FGD5: variants seen among roughly 807,000 people sequenced by gnomAD.
FGD5 encodes the protein FYVE, RhoGEF and PH domain-containing protein 5.
Under a neutral mutation model 133.4 loss-of-function variants are expected in FGD5, and 28 were observed. That is an observed-to-expected ratio of 0.21 (90% CI 0.16 to 0.29). FGD5 has a LOEUF of 0.29. Among genes scored for constraint, FGD5 ranks in the 10% least tolerant of loss-of-function variants. The probability of loss-of-function intolerance (pLI) is 1.00; values close to 1 mark genes in which losing one functional copy is unlikely to be tolerated. For synonymous variants in FGD5, 810 were observed against 776.5 expected (o/e 1.04, Z -0.72); for missense variants, 1,858 against 1,895.2 (o/e 0.98, Z 0.36).
At chr3:14,843,466 G>A (rs1168706962) in intron 1 of FGD5, among the ~76,000 whole-genome samples, 1 of 152,140 alleles carries the variant, frequency 6.6e-6, no homozygotes, top group African/African-American at 2.4e-5. Context: ...CTCAGGGACG[G>A]CCACTGAGTC....
intron 4 of FGD5, among the ~76,000 whole-genome samples, chr3:14,892,004 C>T (rs1200597027): frequency 2.0e-5 from 3 of 151,420 alleles, no homozygotes; most frequent in African/African-American, 7.3e-5. Flanking sequence ...TTTCTCTCCC[C>T]GTTTCCCTCT....
chr3:14,871,230 G>T (rs1354121738), intron 2 of FGD5, among the ~76,000 whole-genome samples: 1 of 152,228 alleles, frequency 6.6e-6, no homozygotes, highest in South Asian at 2.1e-4. Context: ...TTCCCTGGCA[G>T]TCGTTCCAGG....
chr3:14,891,892 T>C (rs1403334245), intron 4 of FGD5, among the ~76,000 whole-genome samples: 2 of 151,306 alleles, frequency 1.3e-5, no homozygotes, highest in African/African-American at 4.9e-5. Context: ...CTTCCCTCCT[T>C]CTCTTCCTCT....
chr3:14,894,323 A>G (rs747754715), intron 4 of FGD5, among the ~76,000 whole-genome samples: 2 of 152,200 alleles, frequency 1.3e-5, no homozygotes, highest in Middle Eastern at 3.4e-3. Context: ...TCCATTGTGT[A>G]TATATTGCCA....
rs897363470 is a variant in FGD5 at position 14,880,846 on chromosome 3, A to G, written c.2748+74A>G. On this transcript the variant is annotated intron_variant, in intron 4 of 19. Coordinates refer to ENST00000285046, the MANE Select transcript of FGD5 (RefSeq NM_152536.4). Reference sequence around the variant, plus strand: ...CTGTGATATAAGAGGCAGGAAAGCAATGTGGAGACAGAGGTGATTTCCATT... The same window carrying G: ...CTGTGATATAAGAGGCAGGAAAGCAGTGTGGAGACAGAGGTGATTTCCATT... 128 of 1,555,172 alleles carry G rather than the reference A, an allele frequency of 8.2e-5. 1 individual carries two copies. Among genetic ancestry groups the G allele is most frequent in the South Asian group, 6.1e-4 (52 of 85,806 alleles).
chr3:14,848,399 C>T (rs2037094747), intron 1 of FGD5, among the ~76,000 whole-genome samples: 1 of 151,816 alleles, frequency 6.6e-6, no homozygotes, highest in Non-Finnish European at 1.5e-5. Flanking sequence ...CTGGCCCTCA[C>T]TGCCCCCATC....
At position 14,917,867 on chromosome 3, in the gene FGD5, C is replaced by G. The variant is rs1673163824; in HGVS notation, c.3489+535C>G. Among the ~76,000 whole-genome samples the G allele has an allele frequency of 6.6e-6, 1 of 152,190 alleles. No homozygotes were observed. The highest frequency in any genetic ancestry group is 2.4e-5 in the African/African-American group (1 of 41,442). ...TCAGCCCCTGGCACCTACCATTCTA[C>G]TTTCTATGTCCATGAATTTGACTAC... On this transcript the variant is annotated intron_variant, in intron 12 of 19. Coordinates refer to ENST00000285046, the MANE Select transcript of FGD5 (RefSeq NM_152536.4). The surrounding 1 kb of genome is among the most constrained non-coding windows in gnomAD (Gnocchi z 4.1).
chr3:14,876,848 C>G (rs950689841), intron 2 of FGD5, among the ~76,000 whole-genome samples: 6 of 152,202 alleles, frequency 3.9e-5, no homozygotes, highest in Non-Finnish European at 8.8e-5. Context: ...GGCATGGAGA[C>G]AGAGGACCCG....
Position 14,924,083 on chromosome 3 carries a change from GCATTAACCCCTCGACCTT to G in FGD5, c.4016_4033del (p.Ile1339_Phe1344del), listed in dbSNP as rs2038742089. The stretch of plus-strand genomic sequence containing the variant: ...AGTGCCTTTTCATCCGTCTTCCAGA[GCATTAACCCCTCGACCTT>G]CAAGAAGCAGAAGAAAGTCCCTTCA... On this transcript the variant is annotated inframe_deletion, in exon 17 of 20. Transcript: ENST00000285046. 1 of 1,614,006 alleles carries G rather than the reference GCATTAACCCCTCGACCTT, an allele frequency of 6.2e-7. No individual in the cohort carries two copies. The highest frequency in any genetic ancestry group is 8.5e-7 in the Non-Finnish European group (1 of 1,179,888).
chr3:14,928,290 T>C (rs1331283563), intron 18 of FGD5, among the ~76,000 whole-genome samples: 1 of 152,174 alleles, frequency 6.6e-6, no homozygotes, highest in Non-Finnish European at 1.5e-5. Flanking sequence ...CAGGCTGTTC[T>C]CGAACTGCTG....
intron 10 of FGD5, among the ~76,000 whole-genome samples, chr3:14,908,473 A>G (rs2038380560): frequency 6.6e-6 from 1 of 152,172 alleles, no homozygotes; most frequent in Admixed American, 6.5e-5. Context: ...ATCCTGAAAG[A>G]CACAGTCTTG....
chr3:14,918,019 A>G (rs1422618875), intron 12 of FGD5, among the ~76,000 whole-genome samples: 1 of 152,216 alleles, frequency 6.6e-6, no homozygotes, highest in African/African-American at 2.4e-5. Context: ...TGGATAGACC[A>G]CATGGTGTTT....
At chr3:14,810,727 G>A (rs2036278647), upstream of FGD5, 3 of 867,144 alleles carry the variant, frequency 3.5e-6, no homozygotes, top group Non-Finnish European at 2.8e-6. Context: ...GCGCGCCGGG[G>A]CCGGGCGGGC....
chr3:14,873,170 T>A (rs1392469217), intron 2 of FGD5, among the ~76,000 whole-genome samples: 1 of 152,146 alleles, frequency 6.6e-6, no homozygotes, highest in Non-Finnish European at 1.5e-5. Context: ...GTGTCCAACC[T>A]CCCATCACAT....
intron 7 of FGD5, 148 bp from the exon 8 acceptor site, chr3:14,900,255 C>G (rs926482358): frequency 4.0e-6 from 3 of 746,454 alleles, no homozygotes; most frequent in Admixed American, 2.1e-5. Flanking sequence ...TGGTTTCATG[C>G]TAATGTGGTA....
In FGD5 at chr3:14,917,350, G is replaced by T; in HGVS notation, c.3489+18G>T. On this transcript the variant is annotated intron_variant, in intron 12 of 19. Transcript: ENST00000285046. The surrounding 1 kb of genome is among the most constrained non-coding windows in gnomAD (Gnocchi z 4.1). The stretch of plus-strand genomic sequence containing the variant: ...ACATGAAGGTAAATATCTGGTGCCA[G>T]GTACCCCCGGGTTGGGGGACAGGGA... The T allele has an allele frequency of 2.5e-6, 4 of 1,605,868 alleles. No individual in the cohort carries two copies. The highest frequency in any genetic ancestry group is 3.4e-6 in the Non-Finnish European group (4 of 1,176,096).
At chr3:14,841,561 C>T (rs201648877) in intron 1 of FGD5, among the ~76,000 whole-genome samples, 4 of 140,900 alleles carry the variant, frequency 2.8e-5, no homozygotes, top group African/African-American at 2.6e-5. Flanking sequence ...AAGGATCAGG[C>T]TTTTTTTTTT....
rs766882652 is a variant in FGD5 at position 14,864,194 on chromosome 3, G to A, written c.2592G>A (p.Ser864=). 112 of 1,613,872 alleles carry A rather than the reference G, an allele frequency of 6.9e-5. 1 individual carries two copies. The highest frequency in any genetic ancestry group is 1.3e-4 in the East Asian group (6 of 44,894). The change falls in exon 2 of 20, where the codon TCG becomes TCA. Residue 864 remains serine (S), a synonymous_variant. Coordinates refer to ENST00000285046, the MANE Select transcript of FGD5 (RefSeq NM_152536.4). ...CAGCCCCCAAAGAGGACCTTACGTC[G>A]GATGAAGAGCAGAGAAGCTCGGAGG... ...SSAAPKEDLT[S]DEEQRSSEEE... is the part of the protein sequence containing the mutation.
chr3:14,859,316 G>T (rs566066603), intron 1 of FGD5, among the ~76,000 whole-genome samples: 1 of 152,252 alleles, frequency 6.6e-6, no homozygotes, highest in South Asian at 2.1e-4. Context: ...CGGCACTTTG[G>T]GAGGCTGAGG....
Sources: allele counts gnomAD v4.1 joint callset (sites outside exome capture counted in the v4.1 genomes callset), GRCh38; gene constraint gnomAD v4.1.1; non-coding constraint Gnocchi (gnomAD v3.1); transcripts MANE v1.5; gene names NCBI Gene and HGNC (gene_info 2026-07-23, HGNC 2026-07-21).